HS3ST4: variants seen among roughly 807,000 people sequenced by gnomAD.
HS3ST4 encodes heparan sulfate-glucosamine 3-sulfotransferase 4, also known as heparan sulfate glucosamine 3-O-sulfotransferase 4.
In HS3ST4, 17 loss-of-function variants were observed where a neutral mutation model predicts 29.2. The observed-to-expected ratio is 0.58, with a 90% CI of 0.40 to 0.87. The LOEUF is 0.87. Ranked by LOEUF, HS3ST4 falls within the 40% of genes least tolerant of loss-of-function variation. HS3ST4 has a pLI of 0.00. For missense variants in HS3ST4, 627 were observed against 634.5 expected (o/e 0.99, Z 0.13); for synonymous variants, 314 against 285.7 (o/e 1.10, Z -1.00).
chr16:26,121,727 A>G (rs1471721113), intron 1 of HS3ST4, among the ~76,000 whole-genome samples: 3 of 152,202 alleles, frequency 2.0e-5, no homozygotes, highest in Non-Finnish European at 4.4e-5. Flanking sequence ...GTGCCTGTGC[A>G]GACACACTGA....
intron 1 of HS3ST4, among the ~76,000 whole-genome samples, chr16:25,726,233 G>C (rs1966533722): frequency 1.3e-5 from 2 of 152,202 alleles, no homozygotes; most frequent in Admixed American, 1.3e-4. Context: ...ATGTTATACA[G>C]TTGAACATGT....
At chr16:25,784,656 G>T (rs1371959484) in intron 1 of HS3ST4, among the ~76,000 whole-genome samples, 1 of 152,186 alleles carries the variant, frequency 6.6e-6, no homozygotes, top group Non-Finnish European at 1.5e-5. Context: ...TGAGAAAGCT[G>T]TAGAAGAAAA....
intron 1 of HS3ST4, among the ~76,000 whole-genome samples, chr16:25,761,680 G>A (rs929245220): frequency 6.6e-6 from 1 of 152,152 alleles, no homozygotes; most frequent in Non-Finnish European, 1.5e-5. Flanking sequence ...CAGAGCATGT[G>A]CACACTCATT....
At chr16:25,698,406 G>A (rs1427993197) in intron 1 of HS3ST4, among the ~76,000 whole-genome samples, 1 of 152,176 alleles carries the variant, frequency 6.6e-6, no homozygotes, top group African/African-American at 2.4e-5. Flanking sequence ...GCCCTACAGA[G>A]TGTCCTTTCT....
At position 26,136,385 on chromosome 16, in the gene HS3ST4, C is replaced by G; in HGVS notation, c.*137C>G. ...TCCTCCTTCATGCAGCCAGGATTGCCTCCAGTGCTGTTAGCTTAGGCAAAC... is the reference window on the plus strand; with the variant it reads ...TCCTCCTTCATGCAGCCAGGATTGCGTCCAGTGCTGTTAGCTTAGGCAAAC... On this transcript the variant is annotated 3_prime_UTR_variant, in exon 2 of 2. Transcript: ENST00000331351. The G allele has an allele frequency of 1.2e-6, 1 of 841,316 alleles. No homozygotes were observed. The highest frequency in any genetic ancestry group is 1.8e-6 in the Non-Finnish European group (1 of 555,904). 52.1% of individuals were successfully genotyped at this position (841,316 alleles called of 1,614,324 possible).
chr16:25,707,229 T>G (rs7201570), intron 1 of HS3ST4, among the ~76,000 whole-genome samples: 87,313 of 151,974 alleles, frequency 0.57, 26,543 homozygotes, highest in Admixed American at 0.67. Context: ...ACCCATGAAG[T>G]GCTTCTTTTA....
At chr16:25,723,568 A>G (rs1282161212) in intron 1 of HS3ST4, among the ~76,000 whole-genome samples, 1 of 152,180 alleles carries the variant, frequency 6.6e-6, no homozygotes, top group African/African-American at 2.4e-5. Flanking sequence ...GTGATCATTG[A>G]AGCCGTCTTA....
intron 1 of HS3ST4, among the ~76,000 whole-genome samples, chr16:25,906,231 T>G (rs1968178204): frequency 6.6e-6 from 1 of 152,146 alleles, no homozygotes; most frequent in Non-Finnish European, 1.5e-5. Flanking sequence ...CAGTCTCACT[T>G]TTTCACTTTT....
chr16:25,712,097 A>T (rs887523029), intron 1 of HS3ST4, among the ~76,000 whole-genome samples: 1 of 152,314 alleles, frequency 6.6e-6, no homozygotes, highest in South Asian at 2.1e-4. Flanking sequence ...AAAATGATAG[A>T]TTTTTGTCAG....
chr16:26,014,272 C>T (rs1303318768), intron 1 of HS3ST4, among the ~76,000 whole-genome samples: 3 of 152,162 alleles, frequency 2.0e-5, no homozygotes, highest in Admixed American at 6.5e-5. Context: ...ACATTGTGGA[C>T]ATTCCATGAA....
At chr16:25,918,167 C>CT (rs1026149003) in intron 1 of HS3ST4, among the ~76,000 whole-genome samples, 2 of 152,144 alleles carry the variant, frequency 1.3e-5, no homozygotes, top group Non-Finnish European at 2.9e-5. Flanking sequence ...GTAGAATAAT[C>CT]TTTTTTTACT....
At chr16:25,765,377 C>T (rs1036795803) in intron 1 of HS3ST4, among the ~76,000 whole-genome samples, 4 of 152,142 alleles carry the variant, frequency 2.6e-5, no homozygotes, top group Non-Finnish European at 5.9e-5. Flanking sequence ...CGCCAGGAGC[C>T]GCTTGCCGCT....
rs141960967 is a variant in HS3ST4 at position 25,792,342 on chromosome 16, T to G, written c.734+99191T>G. Among the ~76,000 whole-genome samples the G allele has an allele frequency of 8.4e-4, 127 of 152,080 alleles. 1 individual carries two copies. The highest frequency in any genetic ancestry group is 3.0e-3 in the African/African-American group (124 of 41,552). On this transcript the variant is annotated intron_variant, in intron 1 of 1. Coordinates refer to ENST00000331351, the MANE Select transcript of HS3ST4 (RefSeq NM_006040.3). ...GATGGGAAATATTCCTGTTATTTTT[T>G]TCCCTTCAGGAATGTTTCGTGAAAA...
intron 1 of HS3ST4, among the ~76,000 whole-genome samples, chr16:26,119,827 A>G (rs1326996031): frequency 6.6e-6 from 1 of 152,142 alleles, no homozygotes; most frequent in Non-Finnish European, 1.5e-5. Context: ...CCTTCTTAGG[A>G]GCTTGCATTC....
intron 1 of HS3ST4, among the ~76,000 whole-genome samples, chr16:25,840,067 T>A (rs4787767): frequency 6.6e-6 from 1 of 152,134 alleles, no homozygotes; most frequent in East Asian, 1.9e-4. Flanking sequence ...CAGTGGAAAC[T>A]AAAATGTTCT....
intron 1 of HS3ST4, among the ~76,000 whole-genome samples, chr16:25,891,412 G>A (rs1251990793): frequency 6.6e-6 from 1 of 152,114 alleles, no homozygotes; most frequent in Admixed American, 6.5e-5. Context: ...AAACTTAAAG[G>A]CTAGGGGTAA....
At chr16:26,004,199 A>G (rs994959244) in intron 1 of HS3ST4, among the ~76,000 whole-genome samples, 3 of 152,180 alleles carry the variant, frequency 2.0e-5, no homozygotes, top group Admixed American at 6.5e-5. Flanking sequence ...GACAAATAAT[A>G]TTCTCGAGTA....
intron 1 of HS3ST4, among the ~76,000 whole-genome samples, chr16:25,753,990 T>A (rs1350351284): frequency 3.3e-5 from 5 of 152,152 alleles, no homozygotes; most frequent in African/African-American, 4.8e-5. Flanking sequence ...ACAACGTAAT[T>A]TAAGACAGCC....
At chr16:25,900,319 A>C (rs1004146986) in intron 1 of HS3ST4, among the ~76,000 whole-genome samples, 11 of 152,210 alleles carry the variant, frequency 7.2e-5, no homozygotes, top group African/African-American at 2.4e-4. Flanking sequence ...TGAAAAAATG[A>C]ATGAATAACT....
Sources: gnomAD v4.1 joint callset for allele counts (sites outside exome capture counted in the v4.1 genomes callset) on GRCh38, gnomAD v4.1.1 for gene constraint, MANE v1.5 for transcripts, NCBI Gene and HGNC (gene_info 2026-07-23, HGNC 2026-07-21) for gene names.